Variants in SPATA6L observed in about 807,000 individuals in gnomAD.
The protein encoded by SPATA6L is spermatogenesis associated 6 like, also known as spermatogenesis associated 6-like protein.
A neutral mutation model predicts 49.2 loss-of-function variants in SPATA6L; 68 were observed. That is an observed-to-expected ratio of 1.38 (90% CI 1.14 to 1.69). The LOEUF is 1.69. Among genes scored for constraint, SPATA6L ranks in the 40% most tolerant of loss-of-function variants. The probability of loss-of-function intolerance (pLI) is 0.00; values close to 1 mark genes in which losing one functional copy is unlikely to be tolerated. For missense variants in SPATA6L, 668 were observed against 464.3 expected (o/e 1.44, Z -4.03); for synonymous variants, 198 against 165.7 (o/e 1.19, Z -1.50).
rs1311805859 is a variant in SPATA6L at position 4,629,769 on chromosome 9, G to GTGTGTGTGTATATATATA, written c.352-602_352-601insTATATATATACACACACA. Among the ~76,000 whole-genome samples, 382 of 101,836 alleles carry GTGTGTGTGTATATATATA rather than the reference G, an allele frequency of 3.8e-3. 4 individuals are homozygous for GTGTGTGTGTATATATATA. Among genetic ancestry groups the GTGTGTGTGTATATATATA allele is most frequent in the East Asian group, 0.023 (73 of 3,146 alleles). 66.8% of individuals were successfully genotyped at this position (101,836 alleles called of 152,430 possible). On this transcript the variant is annotated intron_variant, in intron 4 of 11. Transcript: ENST00000682582. Reference sequence around the variant, plus strand: ...GTGTTTTATATATGTGTGTGTGTGTGTATATATATATATATATATATATAT... The same window carrying GTGTGTGTGTATATATATA: ...GTGTTTTATATATGTGTGTGTGTGTGTGTGTGTGTATATATATATATATATATATATATATATATATAT...
chr9:4,664,829 T>C (rs2295961), intron 1 of SPATA6L: 19,876 of 167,124 alleles, frequency 0.12, 2,495 homozygotes, highest in African/African-American at 0.32. Context: ...GGAACAGCCA[T>C]GCCTCAAAAT....
intron 9 of SPATA6L, among the ~76,000 whole-genome samples, chr9:4,610,992 T>G (rs1332639436): frequency 6.8e-6 from 1 of 146,996 alleles, no homozygotes; most frequent in Non-Finnish European, 1.5e-5. Context: ...GCAAAGGACA[T>G]GAACAGACAC....
At chr9:4,663,469 A>T (rs888542526) in intron 1 of SPATA6L, 4 of 560,930 alleles carry the variant, frequency 7.1e-6, no homozygotes, top group Admixed American at 3.3e-5. Flanking sequence ...AAAGCAAAAA[A>T]ACCCAAAAAA....
At chr9:4,595,134 C>G (rs1039820524), downstream of SPATA6L, among the ~76,000 whole-genome samples, 3 of 152,170 alleles carry the variant, frequency 2.0e-5, no homozygotes, top group African/African-American at 7.2e-5. Flanking sequence ...CAATTATTCT[C>G]TCCATCAATA....
At chr9:4,657,495 G>C (rs28369183) in intron 2 of SPATA6L, among the ~76,000 whole-genome samples, 7 of 151,880 alleles carry the variant, frequency 4.6e-5, no homozygotes, top group South Asian at 2.1e-4. Context: ...GATAAGACTG[G>C]TGTCCTTAGG....
chr9:4,637,029 C>T (rs535655746), intron 3 of SPATA6L, among the ~76,000 whole-genome samples: 2 of 152,282 alleles, frequency 1.3e-5, no homozygotes, highest in South Asian at 4.1e-4. Flanking sequence ...TGCTTAAAAC[C>T]TTCCAATGGG....
At chr9:4,659,250 A>G (rs7044776) in intron 2 of SPATA6L, among the ~76,000 whole-genome samples, 92,446 of 152,018 alleles carry the variant, frequency 0.61, 29,473 homozygotes, top group African/African-American at 0.81. Flanking sequence ...CTTCATCTCC[A>G]CTGTCAACCT....
At chr9:4,602,440 G>T (rs778704928) in intron 11 of SPATA6L, among the ~76,000 whole-genome samples, 1 of 152,168 alleles carries the variant, frequency 6.6e-6, no homozygotes, top group African/African-American at 2.4e-5. Flanking sequence ...ATTCCTCTGT[G>T]CTAAAGGTGG....
Position 4,655,943 on chromosome 9 carries a change from C to T in SPATA6L, c.226+98G>A, listed in dbSNP as rs1410322201. On this transcript the variant is annotated intron_variant, in intron 3 of 11. Transcript: ENST00000682582. ...TGTCTTGAAATAAATATTCATCAAA[C>T]ATGAACATATCACAGTTTAGAAAAG... is the stretch of plus-strand genomic sequence containing the variant. The T allele has an allele frequency of 7.5e-6, 7 of 936,520 alleles. No homozygotes were observed. In the East Asian group the frequency reaches 1.6e-4, roughly 21 times the overall value. 58.0% of individuals were successfully genotyped at this position (936,520 alleles called of 1,614,324 possible). A position where few individuals can be genotyped will look rare whatever the true frequency, so the allele number is the denominator to read the frequency against.
At chr9:4,638,925 C>T (rs970385203) in intron 3 of SPATA6L, among the ~76,000 whole-genome samples, 2 of 152,040 alleles carry the variant, frequency 1.3e-5, no homozygotes, top group Admixed American at 6.6e-5. Context: ...ACTGGGACTA[C>T]AGACGCGCAC....
At chr9:4,618,172 G>A (rs1430632604) in intron 8 of SPATA6L, 62 bp from the exon 9 acceptor site, 3 of 1,454,038 alleles carry the variant, frequency 2.1e-6, no homozygotes, top group Non-Finnish European at 1.9e-6. Context: ...TTTAGAGCTG[G>A]GGGTGGGGGT....
intron 9 of SPATA6L, among the ~76,000 whole-genome samples, chr9:4,615,284 T>A (rs1353536055): frequency 6.6e-6 from 1 of 152,224 alleles, no homozygotes; most frequent in Admixed American, 6.5e-5. Context: ...ATTTTTTTTA[T>A]ATCCTCTGCT....
chr9:4,621,788 G>A (rs755984945), intron 7 of SPATA6L, among the ~76,000 whole-genome samples: 39 of 152,054 alleles, frequency 2.6e-4, no homozygotes, highest in Admixed American at 3.9e-4. Flanking sequence ...GTACCCGGCC[G>A]TAGTCTGTTC....
chr9:4,621,583 G>A (rs1829312773), intron 7 of SPATA6L, among the ~76,000 whole-genome samples: 1 of 152,066 alleles, frequency 6.6e-6, no homozygotes, highest in African/African-American at 2.4e-5. Context: ...CTGCCTCCCG[G>A]GTTCAAGCGA....
chr9:4,606,756 T>TCTCCTCCTCCAAAGGAAC (rs1586977657), intron 9 of SPATA6L, among the ~76,000 whole-genome samples: 13 of 146,652 alleles, frequency 8.9e-5, no homozygotes, highest in South Asian at 6.6e-4. Context: ...TCCAAAGGAA[T>TCTCCTCCTCCAAAGGAAC]GCAGTTCCTC....
At chr9:4,635,739 G>C (rs1223424089) in intron 3 of SPATA6L, among the ~76,000 whole-genome samples, 1 of 152,180 alleles carries the variant, frequency 6.6e-6, no homozygotes, top group South Asian at 2.1e-4. Context: ...GGATAGAACA[G>C]GAACAAGGTG....
chr9:4,619,047 T>C (rs1828660949), intron 7 of SPATA6L, 149 bp from the exon 8 acceptor site: 1 of 682,264 alleles, frequency 1.5e-6, no homozygotes, highest in African/African-American at 1.8e-5. Flanking sequence ...AGTTACACTA[T>C]CACTTTTAAG....
intron 3 of SPATA6L, 37 bp from the exon 4 acceptor site, chr9:4,635,436 T>C: frequency 6.4e-7 from 1 of 1,562,398 alleles, no homozygotes; most frequent in South Asian, 1.2e-5. Flanking sequence ...ATATCTGTAT[T>C]TACACCTCCA....
chr9:4,639,597 G>A (rs1421175679), intron 3 of SPATA6L, among the ~76,000 whole-genome samples: 2 of 152,178 alleles, frequency 1.3e-5, no homozygotes, highest in Non-Finnish European at 2.9e-5. Flanking sequence ...TACAGCAAGA[G>A]CCTAGGTTAG....
Sources: allele counts gnomAD v4.1 joint callset (sites outside exome capture counted in the v4.1 genomes callset), GRCh38; gene constraint gnomAD v4.1.1; transcripts MANE v1.5; gene names NCBI Gene and HGNC (gene_info 2026-07-23, HGNC 2026-07-21).